OLFM3: variants seen among roughly 807,000 people sequenced by gnomAD.
The protein encoded by OLFM3 is noelin-3.
Under a neutral mutation model 48.6 loss-of-function variants are expected in OLFM3, and 20 were observed. The ratio of observed to expected loss-of-function variants is 0.41; its 90% CI spans 0.29 to 0.60. The LOEUF is 0.60. Among genes scored for constraint, OLFM3 ranks in the 20% least tolerant of loss-of-function variants. The pLI is 0.28. For synonymous variants in OLFM3, 222 were observed against 198.1 expected (o/e 1.12, Z -1.01); for missense variants, 437 against 544.3 (o/e 0.80, Z 1.96).
chr1:101,884,971 G>A (rs1329890697), intron 1 of OLFM3, among the ~76,000 whole-genome samples: 1 of 151,974 alleles, frequency 6.6e-6, no homozygotes, highest in East Asian at 1.9e-4. Context: ...TCTATGGGAA[G>A]TATTTTCAAT....
intron 1 of OLFM3, among the ~76,000 whole-genome samples, chr1:101,917,617 A>T (rs1196075620): frequency 6.6e-6 from 1 of 152,106 alleles, no homozygotes; most frequent in Non-Finnish European, 1.5e-5. Context: ...GGGTTTCACC[A>T]TGTTGGCCAG....
chr1:101,969,222 A>T (rs1280750590), intron 1 of OLFM3, among the ~76,000 whole-genome samples: 1 of 152,048 alleles, frequency 6.6e-6, no homozygotes, highest in Non-Finnish European at 1.5e-5. Context: ...ATCAGAGCTC[A>T]CTGCAGCCTT....
chr1:101,831,042 G>A (rs562550546), intron 2 of OLFM3, among the ~76,000 whole-genome samples: 2 of 152,190 alleles, frequency 1.3e-5, no homozygotes, highest in African/African-American at 4.8e-5. Flanking sequence ...ATTTAAAAAC[G>A]GGCATTCTAG....
intron 1 of OLFM3, among the ~76,000 whole-genome samples, chr1:101,969,161 T>C (rs368179601): frequency 6.6e-6 from 1 of 152,154 alleles, no homozygotes; most frequent in Non-Finnish European, 1.5e-5. Context: ...TTTACTTTTA[T>C]TTTTGAGACA....
intron 1 of OLFM3, among the ~76,000 whole-genome samples, chr1:101,853,351 C>G (rs1656295325): frequency 6.6e-6 from 1 of 152,028 alleles, no homozygotes; most frequent in African/African-American, 2.4e-5. Flanking sequence ...CCAAGATCAT[C>G]TCTCATAAGA....
chr1:101,926,451 G>A (rs562729623), intron 1 of OLFM3, among the ~76,000 whole-genome samples: 3 of 152,306 alleles, frequency 2.0e-5, no homozygotes, highest in African/African-American at 7.2e-5. Flanking sequence ...GAACAGGGCA[G>A]CCTGGTGGAG....
intron 1 of OLFM3, among the ~76,000 whole-genome samples, chr1:101,899,709 A>G (rs1398629229): frequency 6.6e-6 from 1 of 152,236 alleles, no homozygotes; most frequent in African/African-American, 2.4e-5. Context: ...ATTCTTATGT[A>G]AGAATAATTT....
rs79724698 is a variant in OLFM3 at position 101,941,774 on chromosome 1, C to T, written c.69+54974G>A. On this transcript the variant is annotated intron_variant, in intron 1 of 5. Coordinates refer to ENST00000370103, the MANE Select transcript of OLFM3 (RefSeq NM_058170.4). ...AGCCTCTGCTAAAACTGAAGCACAG[C>T]CTAGGTTCAAACAAGTGGGGCATTG... Among the ~76,000 whole-genome samples, 401 of 152,256 alleles carry T rather than the reference C, an allele frequency of 2.6e-3. 2 individuals are homozygous for T. Among genetic ancestry groups the T allele is most frequent in the African/African-American group, 9.3e-3 (385 of 41,534 alleles).
chr1:101,976,375 A>C (rs890736954), intron 1 of OLFM3, among the ~76,000 whole-genome samples: 6 of 152,198 alleles, frequency 3.9e-5, no homozygotes, highest in African/African-American at 1.4e-4. Context: ...GACTGGACAG[A>C]CTATTGCTGA....
chr1:101,992,270 G>A (rs984003052), intron 1 of OLFM3, among the ~76,000 whole-genome samples: 12 of 152,130 alleles, frequency 7.9e-5, no homozygotes, highest in Non-Finnish European at 1.3e-4. Context: ...AATGAAGAAA[G>A]GTGATACCAT....
At chr1:101,957,007 C>T (rs1376072510) in intron 1 of OLFM3, among the ~76,000 whole-genome samples, 1 of 151,764 alleles carries the variant, frequency 6.6e-6, no homozygotes, top group Admixed American at 6.6e-5. Flanking sequence ...AAAAAAGTGG[C>T]TGTAGATCAA....
intron 4 of OLFM3, chr1:101,812,649 G>C (rs1654124555): frequency 1.0e-6 from 1 of 985,640 alleles, no homozygotes; most frequent in Non-Finnish European, 1.2e-6. Flanking sequence ...GATGGTGCTT[G>C]AATCTAATCC....
intron 1 of OLFM3, among the ~76,000 whole-genome samples, chr1:101,905,102 T>C (rs1241872932): frequency 1.3e-5 from 2 of 152,146 alleles, no homozygotes; most frequent in Non-Finnish European, 2.9e-5. Context: ...TCAGAACATA[T>C]ATTTTGTATA....
chr1:101,803,395 G>C lies in OLFM3; in HGVS notation c.*843C>G, dbSNP rs1653585642. The C allele has an allele frequency of 6.6e-6, 1 of 152,094 alleles. No homozygotes were observed. Among genetic ancestry groups the C allele is most frequent in the Non-Finnish European group, 1.5e-5 (1 of 67,784 alleles). 9.4% of individuals were successfully genotyped at this position (152,094 alleles called of 1,614,324 possible). ...GGTTGCATTCAGTGGAGTGAACAGA[G>C]TAACTCAGTTGTATGAAATCAGTTG... On this transcript the variant is annotated 3_prime_UTR_variant, in exon 6 of 6. Coordinates refer to ENST00000370103, the MANE Select transcript of OLFM3 (RefSeq NM_058170.4).
chr1:101,890,746 A>T (rs184608405), intron 1 of OLFM3, among the ~76,000 whole-genome samples: 1 of 152,138 alleles, frequency 6.6e-6, no homozygotes, highest in East Asian at 1.9e-4. Flanking sequence ...AATATAATGA[A>T]TATCCTGAAT....
At chr1:101,878,941 CA>C (rs1243572074) in intron 1 of OLFM3, among the ~76,000 whole-genome samples, 1 of 151,800 alleles carries the variant, frequency 6.6e-6, no homozygotes, top group African/African-American at 2.4e-5. Context: ...ATATGAGCTG[CA>C]AAATATATGT....
At chr1:101,973,152 A>C (rs1266576195) in intron 1 of OLFM3, among the ~76,000 whole-genome samples, 1 of 152,258 alleles carries the variant, frequency 6.6e-6, no homozygotes, top group Non-Finnish European at 1.5e-5. Flanking sequence ...GAACTGGCTC[A>C]TATAATTATA....
At chr1:101,973,428 T>A (rs1214679731) in intron 1 of OLFM3, among the ~76,000 whole-genome samples, 1 of 152,222 alleles carries the variant, frequency 6.6e-6, no homozygotes, top group Non-Finnish European at 1.5e-5. Flanking sequence ...ACTCGCGTTG[T>A]CCAGGGTAGG....
intron 4 of OLFM3, among the ~76,000 whole-genome samples, chr1:101,806,581 C>T (rs1176987771): frequency 6.6e-6 from 1 of 151,736 alleles, no homozygotes; most frequent in African/African-American, 2.4e-5. Flanking sequence ...TGTCCCCATG[C>T]TTTGTGACTA....
Sources: allele counts gnomAD v4.1 joint callset (sites outside exome capture counted in the v4.1 genomes callset), GRCh38; gene constraint gnomAD v4.1.1; transcripts MANE v1.5; gene names NCBI Gene and HGNC (gene_info 2026-07-23, HGNC 2026-07-21).